Variants in ZNF331 observed in about 807,000 individuals in gnomAD.
The protein encoded by ZNF331 is C2H2-like zinc finger protein rearranged in thyroid adenomas.
A neutral mutation model predicts 7.0 loss-of-function variants in ZNF331; 2 were observed. The observed-to-expected ratio is 0.29, with a 90% CI of 0.12 to 0.90. The LOEUF is 0.90. Among genes scored for constraint, ZNF331 ranks in the 40% least tolerant of loss-of-function variants. ZNF331 has a pLI of 0.58. For missense variants in ZNF331, 432 were observed against 587.7 expected (o/e 0.74, Z 2.74); for synonymous variants, 196 against 205.4 (o/e 0.95, Z 0.39).
the ZNF331 span, chr19:53,503,875 T>G: frequency 1.5e-6 from 1 of 685,092 alleles, no homozygotes; most frequent in Non-Finnish European, 2.7e-6. Flanking sequence ...AGACAAAAGA[T>G]CTGGGATACT....
rs1383864318 is a variant in ZNF331, at chr19:53,573,679, A to G, written c.136+1949A>G. 1.3e-5 allele frequency among the ~76,000 whole-genome samples: 2 copies of G among 151,964 alleles called. No individual in the cohort carries two copies. The highest frequency in any genetic ancestry group is 3.9e-4 in the East Asian group (2 of 5,170). On this transcript the variant is annotated intron_variant, in intron 5 of 5. Coordinates refer to ENST00000449416, the MANE Select transcript of ZNF331 (RefSeq NM_001079906.2). This position sits in a 1 kb window ranked among gnomAD's most constrained non-coding sequence, Gnocchi z 4.2. ...AGATGGGATTTCGCCATGTTGTCCA[A>G]GCTGATCTTGAACTCCTGGGCTAAA...
At chr19:53,552,072 C>T (rs1742972113) in intron 2 of ZNF331, among the ~76,000 whole-genome samples, 1 of 152,136 alleles carries the variant, frequency 6.6e-6, no homozygotes, top group South Asian at 2.1e-4. Flanking sequence ...AAAATACCCA[C>T]TATACAAATA....
chr19:53,560,219 CAT>C lies in ZNF331; in HGVS notation c.-74+4317_-74+4318del, dbSNP rs55681809. On this transcript the variant is annotated intron_variant, in intron 3 of 5. Transcript: ENST00000449416. The surrounding 1 kb of genome is among the most constrained non-coding windows in gnomAD (Gnocchi z 4.3). ...TATACACACACCATATATATACACA[CAT>C]ATATACACATCCACACCATATATAC... Among the ~76,000 whole-genome samples, 12,157 of 148,254 alleles carry C rather than the reference CAT, an allele frequency of 0.082. 802 individuals carry two copies. The highest frequency in any genetic ancestry group is 0.14 in the East Asian group (684 of 4,904).
At position 53,566,073 on chromosome 19, in the gene ZNF331, C is replaced by T. The variant is rs186812814; in HGVS notation, c.-73-3231C>T. 9.9e-5 allele frequency among the ~76,000 whole-genome samples: 15 copies of T among 152,222 alleles called. No homozygotes were observed. In the East Asian group the frequency reaches 2.7e-3, roughly 28 times the overall value. On this transcript the variant is annotated intron_variant, in intron 3 of 5. Transcript: ENST00000449416. ...ACAGGACTCACCATCTAGACCTACT[C>T]GTGACCGATTTATTCCAGTGAAGGG...
intron 2 of ZNF331, among the ~76,000 whole-genome samples, chr19:53,545,124 T>A (rs568251011): frequency 6.6e-6 from 1 of 152,302 alleles, no homozygotes; most frequent in African/African-American, 2.4e-5. Context: ...GAATCTACAG[T>A]TATCTCAGTT....
upstream of ZNF331, among the ~76,000 whole-genome samples, chr19:53,535,317 C>G (rs1438434340): frequency 6.6e-6 from 1 of 152,162 alleles, no homozygotes; most frequent in East Asian, 1.9e-4. Context: ...GTCTCGAACT[C>G]CTGGCCTCCA....
chr19:53,540,096 T>C (rs1424081958), intron 2 of ZNF331, among the ~76,000 whole-genome samples: 2 of 152,236 alleles, frequency 1.3e-5, no homozygotes, highest in Non-Finnish European at 2.9e-5. Context: ...TATTCATGAA[T>C]CCTTCAAAAG....
At chr19:53,512,006 T>C in the ZNF331 span, 5 of 152,382 alleles carry the variant, frequency 3.3e-5, no homozygotes, top group South Asian at 1.0e-3. Context: ...TCATCCCTGC[T>C]GGTCATCTGG....
chr19:53,552,691 C>A (rs531731085), intron 2 of ZNF331, among the ~76,000 whole-genome samples: 1 of 152,300 alleles, frequency 6.6e-6, no homozygotes, highest in African/African-American at 2.4e-5. Context: ...TGAGATTGCA[C>A]TACTGCTCTC....
rs60619357 is a variant in ZNF331, at chr19:53,550,529, C to CTTTTTTT, written c.-137-5297_-137-5291dup. Among the ~76,000 whole-genome samples the CTTTTTTT allele has an allele frequency of 7.6e-3, 493 of 64,526 alleles. 8 individuals carry two copies. Among genetic ancestry groups the CTTTTTTT allele is most frequent in the Middle Eastern group, 0.023 (1 of 44 alleles). The allele number at this position is 64,526 out of a possible 152,430, so 42.3% of individuals were successfully genotyped here. A position where few individuals can be genotyped will look rare whatever the true frequency, so the allele number is the denominator to read the frequency against. On this transcript the variant is annotated intron_variant, in intron 2 of 5. Coordinates refer to ENST00000449416, the MANE Select transcript of ZNF331 (RefSeq NM_001079906.2). ...GTTTTTGATTTAAAGTCTATTTTGTCTTTTTTTTTTTTTTTTTTTTTTTTT... is the reference window on the plus strand; with the variant it reads ...GTTTTTGATTTAAAGTCTATTTTGTCTTTTTTTTTTTTTTTTTTTTTTTTTTTTTTTT...
At chr19:53,535,018 C>CAAA (rs59509834), upstream of ZNF331, among the ~76,000 whole-genome samples, 209 of 127,262 alleles carry the variant, frequency 1.6e-3, 1 homozygote, top group African/African-American at 5.3e-3. Context: ...AGCCTGTAAC[C>CAAA]AAAAAAAAAA....
rs951077809 is a variant in ZNF331, at chr19:53,580,268, G to A, written c.*2316G>A. On this transcript the variant is annotated 3_prime_UTR_variant, in exon 6 of 6. Coordinates refer to ENST00000449416, the MANE Select transcript of ZNF331 (RefSeq NM_001079906.2). Reference sequence around the variant, plus strand: ...ATATTAATAAAATCAAAGATGAGCAGGTCTCTTTGTTGGATATTCAAACAC... The same window carrying A: ...ATATTAATAAAATCAAAGATGAGCAAGTCTCTTTGTTGGATATTCAAACAC... 4 of 179,632 alleles carry A rather than the reference G, an allele frequency of 2.2e-5. No individual in the cohort carries two copies. The East Asian group carries it at 3.7e-4, about 17-fold the overall frequency. 11.1% of individuals were successfully genotyped at this position (179,632 alleles called of 1,614,324 possible). A position where few individuals can be genotyped will look rare whatever the true frequency, so the allele number is the denominator to read the frequency against.
Position 53,521,199 on chromosome 19 carries a change from C to T in ZNF331, c.-1158C>T, listed in dbSNP as rs1040886503. ...CTCGAGCCGGGAGCTATTTGCCTCC[C>T]AGGAGGAAGCCAGGGCAGGGTTCCG... On this transcript the variant is annotated 5_prime_UTR_variant, in exon 1 of 7. Transcript: ENST00000253144. 1.9e-4 allele frequency: 29 copies of T among 152,358 alleles called. 1 individual carries two copies. The allele number at this position is 152,358 out of a possible 1,614,324, so 9.4% of individuals were successfully genotyped here.
upstream of ZNF331, among the ~76,000 whole-genome samples, chr19:53,516,448 CAAAA>C (rs34986946): frequency 1.7e-5 from 2 of 120,386 alleles, no homozygotes. Context: ...GACTCCATCT[CAAAA>C]AAAAAAAAAA....
chr19:53,573,246 C>T lies in ZNF331; in HGVS notation c.136+1516C>T, dbSNP rs1203279714. Among the ~76,000 whole-genome samples, 2 of 151,646 alleles carry T rather than the reference C, an allele frequency of 1.3e-5. No homozygotes were observed. Among genetic ancestry groups the T allele is most frequent in the Admixed American group, 6.6e-5 (1 of 15,202 alleles). On this transcript the variant is annotated intron_variant, in intron 5 of 5. Coordinates refer to ENST00000449416, the MANE Select transcript of ZNF331 (RefSeq NM_001079906.2). This position sits in a 1 kb window ranked among gnomAD's most constrained non-coding sequence, Gnocchi z 4.2. ...AAATAATAAAAAATAAGGCCGGGTG[C>T]GGTGGCTCACTCCTGTGATCACAAG...
chr19:53,565,817 C>T (rs569029670), intron 3 of ZNF331, among the ~76,000 whole-genome samples: 1 of 152,240 alleles, frequency 6.6e-6, no homozygotes, highest in East Asian at 1.9e-4. Flanking sequence ...GAGTGAGCCA[C>T]CATGGCTAGG....
At chr19:53,555,278 A>C (rs1271810265) in intron 2 of ZNF331, 1 of 126,186 alleles carries the variant, frequency 7.9e-6, no homozygotes, top group Non-Finnish European at 1.8e-5. Flanking sequence ...TGTGTGTGAC[A>C]GCACAACCTG....
intron 2 of ZNF331, among the ~76,000 whole-genome samples, chr19:53,532,047 G>T (rs771160462): frequency 3.3e-5 from 5 of 151,994 alleles, no homozygotes; most frequent in Admixed American, 6.5e-5. Context: ...TGATATGTGT[G>T]TGCATTATGG....
chr19:53,513,752 C>A, the ZNF331 span, among the ~76,000 whole-genome samples: 12,030 of 128,110 alleles, frequency 0.094, 445 homozygotes, highest in Middle Eastern at 0.15. Context: ...TCCGGGGAGG[C>A]GTGATTAGCC....
Sources: allele counts gnomAD v4.1 joint callset (sites outside exome capture counted in the v4.1 genomes callset), GRCh38; gene constraint gnomAD v4.1.1; non-coding constraint Gnocchi (gnomAD v3.1); transcripts MANE v1.5; gene names NCBI Gene and HGNC (gene_info 2026-07-23, HGNC 2026-07-21).